The following ANAPC10 variants were observed in gnomAD, a reference collection of about 807,000 sequenced individuals.
The protein encoded by ANAPC10 is anaphase-promoting complex subunit 10.
Under a neutral mutation model 22.0 loss-of-function variants are expected in ANAPC10, and 12 were observed. The observed-to-expected ratio is 0.55, with a 90% CI of 0.35 to 0.88. The LOEUF (loss-of-function observed/expected upper bound fraction) is 0.88, where lower values mean the gene tolerates loss of function less well. Ranked by LOEUF, ANAPC10 falls within the 40% of genes least tolerant of loss-of-function variation. ANAPC10 has a pLI of 0.01. For missense variants in ANAPC10, 188 were observed against 220.9 expected (o/e 0.85, Z 0.94); for synonymous variants, 65 against 69.5 (o/e 0.94, Z 0.32).
chr4:145,011,336 AAAAATAAAAT>A (rs70956822), intron 4 of ANAPC10, among the ~76,000 whole-genome samples: 3,269 of 130,118 alleles, frequency 0.025, 126 homozygotes, highest in African/African-American at 0.071. Flanking sequence ...GACTGTCTTA[AAAAATAAAAT>A]AAAATAAAAT....
In ANAPC10 at chr4:145,036,995, CGTGTGTGTGTGTGT is replaced by C. The variant is rs202100756; in HGVS notation, c.327+27563_327+27576del. On this transcript the variant is annotated intron_variant, in intron 4 of 4. Coordinates refer to ENST00000507656, the MANE Select transcript of ANAPC10 (RefSeq NM_001256706.2). ...TCTATTTCTTATACCAAATAGATAA[CGTGTGTGTGTGTGT>C]GTGTGTGTGTGTGTGTGTGTGTGTG... 2.8e-3 allele frequency among the ~76,000 whole-genome samples: 364 copies of C among 131,242 alleles called. 3 individuals carry two copies. Among genetic ancestry groups the C allele is most frequent in the African/African-American group, 8.3e-3 (287 of 34,566 alleles). 86.1% of individuals were successfully genotyped at this position (131,242 alleles called of 152,430 possible). A position where few individuals can be genotyped will look rare whatever the true frequency, so the allele number is the denominator to read the frequency against.
chr4:145,068,529 C>A (rs1029203072), intron 3 of ANAPC10, among the ~76,000 whole-genome samples: 2 of 152,132 alleles, frequency 1.3e-5, no homozygotes, highest in Non-Finnish European at 1.5e-5. Flanking sequence ...GAGGTTGAGA[C>A]AAAATAAACA....
At chr4:144,996,077 A>C (rs1367630404) in intron 4 of ANAPC10, among the ~76,000 whole-genome samples, 1 of 152,204 alleles carries the variant, frequency 6.6e-6, no homozygotes, top group African/African-American at 2.4e-5. Context: ...GAAGTACCAG[A>C]AGTAATTAAC....
At chr4:145,035,785 AAC>A (rs1360037570) in intron 4 of ANAPC10, among the ~76,000 whole-genome samples, 1 of 152,194 alleles carries the variant, frequency 6.6e-6, no homozygotes, top group Non-Finnish European at 1.5e-5. Flanking sequence ...ATGTGAAAAC[AAC>A]AGTCTTACAG....
chr4:145,052,169 A>G lies in ANAPC10; in HGVS notation c.327+12403T>C, dbSNP rs371165602. On this transcript the variant is annotated intron_variant, in intron 4 of 4. Coordinates refer to ENST00000507656, the MANE Select transcript of ANAPC10 (RefSeq NM_001256706.2). ...ATAAAATTTCGGTGAGGCATAAGAA[A>G]TAAGTTCAAGTCATCTACTGTGCAT... Among the ~76,000 whole-genome samples, 12 of 152,318 alleles carry G rather than the reference A, an allele frequency of 7.9e-5. 1 individual carries two copies. In the South Asian group the frequency reaches 1.4e-3, roughly 18 times the overall value.
chr4:145,096,196 A>G (rs1387228234), intron 1 of ANAPC10, 85 bp from the exon 2 acceptor site: 1 of 1,319,820 alleles, frequency 7.6e-7, no homozygotes, highest in Non-Finnish European at 1.1e-6. Context: ...AATTTAATGG[A>G]ACTCATATAC....
At chr4:145,003,122 T>C (rs1188291314) in intron 4 of ANAPC10, among the ~76,000 whole-genome samples, 13 of 152,192 alleles carry the variant, frequency 8.5e-5, no homozygotes, top group African/African-American at 3.1e-4. Flanking sequence ...AGTATATGGT[T>C]TTCTGTTCCT....
intron 4 of ANAPC10, among the ~76,000 whole-genome samples, chr4:145,054,822 T>C (rs186546462): frequency 2.1e-4 from 32 of 152,170 alleles, no homozygotes; most frequent in Admixed American, 9.2e-4. Context: ...TTTATTGTTC[T>C]TTCTCCTTGT....
rs566703930 is a variant in ANAPC10 at position 145,009,597 on chromosome 4, A to G, written c.328-13994T>C. ...AAGGATTCCCTATTTAACAAATGGT[A>G]CTGGGAAAACTGGCTAGCCATATGT... On this transcript the variant is annotated intron_variant, in intron 4 of 4. Transcript: ENST00000507656. Among the ~76,000 whole-genome samples the G allele has an allele frequency of 4.2e-3, 646 of 152,238 alleles. 6 individuals are homozygous for G. Among genetic ancestry groups the G allele is most frequent in the African/African-American group, 0.014 (593 of 41,514 alleles).
chr4:145,043,867 C>T (rs1295087605), intron 4 of ANAPC10, among the ~76,000 whole-genome samples: 3 of 151,906 alleles, frequency 2.0e-5, no homozygotes, highest in Non-Finnish European at 1.5e-5. Context: ...AAACCAAACC[C>T]TTATACTAGA....
intron 4 of ANAPC10, chr4:145,053,543 T>C (rs896277263): frequency 4.9e-6 from 2 of 405,150 alleles, no homozygotes; most frequent in Admixed American, 8.8e-5. Context: ...AGTGGTGAGA[T>C]GGCTAAGCTA....
At chr4:145,075,535 A>C (rs1407297586) in intron 3 of ANAPC10, among the ~76,000 whole-genome samples, 2 of 151,938 alleles carry the variant, frequency 1.3e-5, no homozygotes, top group Non-Finnish European at 2.9e-5. Context: ...GTCAGAAGGA[A>C]GGCATTGAGA....
intron 2 of ANAPC10, among the ~76,000 whole-genome samples, chr4:145,093,161 C>T (rs757206682): frequency 1.6e-4 from 25 of 152,028 alleles, no homozygotes; most frequent in South Asian, 1.0e-3. Flanking sequence ...CACAAGTGTG[C>T]GCCAAAGCAC....
intron 4 of ANAPC10, among the ~76,000 whole-genome samples, chr4:145,028,158 CTGTG>C (rs755643430): frequency 6.6e-6 from 1 of 152,044 alleles, no homozygotes; most frequent in Non-Finnish European, 1.5e-5. Context: ...CTGGGTGTGC[CTGTG>C]TGTGTGTTGC....
upstream of ANAPC10, chr4:145,098,543 G>T (rs558500567): frequency 4.5e-3 from 686 of 152,474 alleles, 1 homozygote; most frequent in African/African-American, 0.015. Flanking sequence ...GCAGCGCGTG[G>T]CAGCGGTTCC....
chr4:145,029,306 C>A (rs945848549), intron 4 of ANAPC10, among the ~76,000 whole-genome samples: 5 of 152,134 alleles, frequency 3.3e-5, no homozygotes, highest in Non-Finnish European at 5.9e-5. Context: ...CAGTTATGAT[C>A]TGAGGTAGCT....
chr4:145,075,737 C>G (rs922118538), intron 3 of ANAPC10, among the ~76,000 whole-genome samples: 7 of 152,108 alleles, frequency 4.6e-5, no homozygotes, highest in Non-Finnish European at 7.4e-5. Context: ...GGCCCCACAA[C>G]CCCCCCAGGC....
rs747297622 is a variant in ANAPC10 at position 145,081,738 on chromosome 4, T to C, written c.128A>G (p.Asp43Gly). 6.2e-7 allele frequency: 1 copy of C among 1,612,504 alleles called. No homozygotes were observed. Among genetic ancestry groups the C allele is most frequent in the South Asian group, 1.1e-5 (1 of 90,578 alleles). The change falls in exon 3 of 5, where the codon GAT (aspartate) becomes GGT (glycine). Residue 43 changes from aspartate (D) to glycine (G), a missense_variant. Coordinates refer to ENST00000507656, the MANE Select transcript of ANAPC10 (RefSeq NM_001256706.2). ...TTCTAGATTGTCATCTCGTAACTGA[T>C]CCACTCCAAATCCTAAAAACACCAA... is the stretch of plus-strand genomic sequence containing the variant. ...LSSCKPGFGV[D>G]QLRDDNLETY...
At chr4:145,065,479 T>C (rs989970430) in intron 3 of ANAPC10, among the ~76,000 whole-genome samples, 1 of 152,028 alleles carries the variant, frequency 6.6e-6, no homozygotes, top group East Asian at 1.9e-4. Context: ...AACACAACCT[T>C]TGACCTACTA....
Sources: allele counts gnomAD v4.1 joint callset (sites outside exome capture counted in the v4.1 genomes callset), GRCh38; gene constraint gnomAD v4.1.1; transcripts MANE v1.5; gene names NCBI Gene and HGNC (gene_info 2026-07-23, HGNC 2026-07-21).